Variants in RTTN observed in about 807,000 individuals in gnomAD.
The protein encoded by RTTN is rotatin.
RTTN carries 182 observed loss-of-function variants against 269.2 expected under a neutral mutation model. The observed-to-expected ratio is 0.68, with a 90% confidence interval of 0.60 to 0.76. The LOEUF (loss-of-function observed/expected upper bound fraction) is 0.76, where lower values mean the gene tolerates loss of function less well. RTTN is among the 30% of genes least tolerant of loss of function. The pLI is 0.00. For missense variants in RTTN, 2,545 were observed against 2,608.6 expected, an observed-to-expected ratio of 0.98 and a Z score of 0.53; for synonymous variants, 1,006 against 963.5, an observed-to-expected ratio of 1.04 and a Z score of -0.82.
At chr18:70,192,309 T>A (rs1253496123) in intron 8 of RTTN, among the ~76,000 whole-genome samples, 3 of 152,158 alleles carry the variant, frequency 2.0e-5, no homozygotes, top group Non-Finnish European at 4.4e-5. Flanking sequence ...TTCTAACACA[T>A]TTGCACCCAA....
intron 43 of RTTN, among the ~76,000 whole-genome samples, chr18:70,028,269 G>A (rs1545071): frequency 0.76 from 115,427 of 151,840 alleles, 51,281 homozygotes; most frequent in East Asian, 1. Context: ...CAGGGAGTCA[G>A]CAGAGCTAGA....
chr18:70,030,177 C>A, intron 41 of RTTN, 68 bp from the exon 42 acceptor site: 4 of 972,652 alleles, frequency 4.1e-6, no homozygotes, highest in South Asian at 1.6e-5. Context: ...CCACATATAC[C>A]AATCAGATTC....
intron 32 of RTTN, among the ~76,000 whole-genome samples, chr18:70,085,432 T>C (rs916525067): frequency 1.3e-5 from 2 of 152,176 alleles, no homozygotes; most frequent in African/African-American, 4.8e-5. Context: ...CTTCGGGTCA[T>C]GTGCGGAAAC....
rs35684782 is a variant in RTTN at position 70,034,308 on chromosome 18, T to A, written c.5542-3327A>T. The stretch of plus-strand genomic sequence containing the variant: ...AGCAATGCAAAAACCCTCAACAACA[T>A]ACTAGCAAACTGAATCCAGCAGCAC... On this transcript the variant is annotated intron_variant, in intron 40 of 48. Coordinates refer to ENST00000640769, the MANE Select transcript of RTTN (RefSeq NM_173630.4). Among the ~76,000 whole-genome samples the A allele has an allele frequency of 2.8e-3, 427 of 152,132 alleles. 5 individuals are homozygous for A. Among genetic ancestry groups the A allele is most frequent in the African/African-American group, 9.8e-3 (405 of 41,506 alleles).
At chr18:70,101,586 CTCTGT>C (rs1265844035) in intron 28 of RTTN, among the ~76,000 whole-genome samples, 6 of 152,018 alleles carry the variant, frequency 3.9e-5, no homozygotes, top group Admixed American at 6.6e-5. Context: ...TTCATTTCTG[CTCTGT>C]TCTTAGTTAT....
chr18:70,139,922 T>A, intron 20 of RTTN, 178 bp downstream of exon 20: 1 of 623,810 alleles, frequency 1.6e-6, no homozygotes, highest in Non-Finnish European at 2.8e-6. Flanking sequence ...AATTTTAGGA[T>A]TAGTTTTCCT....
chr18:70,082,770 G>A (rs1163038837), intron 32 of RTTN, among the ~76,000 whole-genome samples: 1 of 152,026 alleles, frequency 6.6e-6, no homozygotes, highest in Non-Finnish European at 1.5e-5. Context: ...AGCTTACTGT[G>A]GCCTCAAACT....
chr18:70,096,445 T>C (rs181888836), intron 28 of RTTN, among the ~76,000 whole-genome samples: 18 of 152,336 alleles, frequency 1.2e-4, no homozygotes, highest in Non-Finnish European at 2.4e-4. Context: ...TTTATCTACC[T>C]TTGGTCTTTG....
At chr18:70,020,178 T>C (rs1412470974) in intron 45 of RTTN, among the ~76,000 whole-genome samples, 1 of 152,192 alleles carries the variant, frequency 6.6e-6, no homozygotes, top group South Asian at 2.1e-4. Flanking sequence ...TTGCTTAACA[T>C]GCCATAAGGA....
In RTTN at chr18:70,041,316, T is replaced by C. The variant is rs533576033; in HGVS notation, c.5541+6655A>G. On this transcript the variant is annotated intron_variant, in intron 40 of 48. Transcript: ENST00000640769. ...GGAGTTAAGACTCCTAAGGAAATAG[T>C]TGTGTGCACAGATATGTCTTTTATT... Among the ~76,000 whole-genome samples the C allele has an allele frequency of 3.6e-3, 541 of 152,066 alleles. 6 individuals are homozygous for C. Among genetic ancestry groups the C allele is most frequent in the Middle Eastern group, 0.014 (4 of 294 alleles).
In RTTN at chr18:70,163,069, T is replaced by TTAAAA. The variant is rs766183356; in HGVS notation, c.1929+2992_1929+2993insTTTTA. On this transcript the variant is annotated intron_variant, in intron 14 of 48. Coordinates refer to ENST00000640769, the MANE Select transcript of RTTN (RefSeq NM_173630.4). The stretch of plus-strand genomic sequence containing the variant: ...CACCCATTAGGATGGTTACTATTAT[T>TTAAAA]AAAAAAAAAAAAAAAAAAAAAAAAA... 7.9e-4 allele frequency among the ~76,000 whole-genome samples: 45 copies of TTAAAA among 56,980 alleles called. 4 individuals are homozygous for TTAAAA. Among genetic ancestry groups the TTAAAA allele is most frequent in the South Asian group, 5.2e-3 (5 of 966 alleles). 37.4% of individuals were successfully genotyped at this position (56,980 alleles called of 152,430 possible).
At position 70,044,952 on chromosome 18, in the gene RTTN, C is replaced by T. The variant is rs114781081; in HGVS notation, c.5541+3019G>A. 4.3e-3 allele frequency among the ~76,000 whole-genome samples: 656 copies of T among 152,198 alleles called. 3 individuals carry two copies. The highest frequency in any genetic ancestry group is 0.015 in the African/African-American group (629 of 41,522). On this transcript the variant is annotated intron_variant, in intron 40 of 48. Transcript: ENST00000640769. ...CATGAGTAACTGAAGCTATAAAAGG[C>T]AAAACTACAGATAAGAGGAGACTAC...
intron 29 of RTTN, among the ~76,000 whole-genome samples, chr18:70,092,424 T>C (rs1360376312): frequency 6.6e-6 from 1 of 152,236 alleles, no homozygotes. Context: ...TGACAGAAGC[T>C]ATTTTTCCCA....
In RTTN at chr18:70,075,334, C is replaced by A. The variant is rs1186088214; in HGVS notation, c.4564+18G>T. 2.0e-6 allele frequency: 3 copies of A among 1,467,268 alleles called. No individual in the cohort carries two copies. Among genetic ancestry groups the A allele is most frequent in the Non-Finnish European group, 2.7e-6 (3 of 1,097,838 alleles). 90.9% of individuals were successfully genotyped at this position (1,467,268 alleles called of 1,614,324 possible). A position where few individuals can be genotyped will look rare whatever the true frequency, so the allele number is the denominator to read the frequency against. The stretch of plus-strand genomic sequence containing the variant: ...GTTACATATTACAAAAATAAAAATA[C>A]AAAGATATCGTACTTACCATTTAAA... On this transcript the variant is annotated intron_variant, in intron 33 of 48. Transcript: ENST00000640769.
Position 70,086,513 on chromosome 18 carries a change from T to C in RTTN, c.4374+100A>G, listed in dbSNP as rs965606781. ...TTTAAGAGGCCCTTGCTGTCTTGTA[T>C]ATAGTTTCATCAATAATGAAATATA... On this transcript the variant is annotated intron_variant, in intron 32 of 48. Coordinates refer to ENST00000640769, the MANE Select transcript of RTTN (RefSeq NM_173630.4). 1.1e-5 allele frequency: 11 copies of C among 965,912 alleles called. No homozygotes were observed. In the Admixed American group the frequency reaches 1.4e-4, roughly 12 times the overall value. 59.8% of individuals were successfully genotyped at this position (965,912 alleles called of 1,614,324 possible).
chr18:70,066,781 T>C (rs1361523102), intron 34 of RTTN, among the ~76,000 whole-genome samples: 2 of 152,204 alleles, frequency 1.3e-5, no homozygotes, highest in Non-Finnish European at 2.9e-5. Context: ...TGATTGTGTA[T>C]ATATCTTAAC....
At chr18:70,019,843 G>A (rs1214131714) in intron 45 of RTTN, 1 of 152,172 alleles carries the variant, frequency 6.6e-6, no homozygotes, top group African/African-American at 2.4e-5. Flanking sequence ...CTTCTGAGGA[G>A]TTCAGGGAGA....
At chr18:70,197,566 G>C (rs2061841347) in intron 6 of RTTN, 58 bp downstream of exon 6, 1 of 1,026,316 alleles carries the variant, frequency 9.7e-7, no homozygotes, top group Admixed American at 1.8e-5. Context: ...TGCAAAATTT[G>C]CTTTATTGCA....
intron 28 of RTTN, 77 bp from the exon 29 acceptor site, chr18:70,092,881 T>A: frequency 1.6e-6 from 2 of 1,269,556 alleles, no homozygotes; most frequent in Non-Finnish European, 2.1e-6. Flanking sequence ...AACTGTCTAC[T>A]GACTTGTATG....
Sources: gnomAD v4.1 joint callset for allele counts (sites outside exome capture counted in the v4.1 genomes callset) on GRCh38, gnomAD v4.1.1 for gene constraint, MANE v1.5 for transcripts, NCBI Gene and HGNC (gene_info 2026-07-23, HGNC 2026-07-21) for gene names.